ANKS1B: variants seen among roughly 807,000 people sequenced by gnomAD.
ANKS1B encodes ankyrin repeat and sterile alpha motif domain-containing protein 1B.
ANKS1B carries 36 observed loss-of-function variants against 148.3 expected under a neutral mutation model. The observed-to-expected ratio is 0.24, with a 90% CI of 0.19 to 0.32. ANKS1B has a LOEUF of 0.32. Among genes scored for constraint, ANKS1B ranks in the 10% least tolerant of loss-of-function variants. ANKS1B has a pLI of 1.00. For synonymous variants in ANKS1B, 542 were observed against 560.8 expected (o/e 0.97, Z 0.47); for missense variants, 1,157 against 1,542.6 (o/e 0.75, Z 4.19).
chr12:99,870,920 G>T (rs1288608379), intron 1 of ANKS1B, among the ~76,000 whole-genome samples: 15 of 152,048 alleles, frequency 9.9e-5, no homozygotes, highest in Non-Finnish European at 2.1e-4. Context: ...AAGCTCTTTA[G>T]TTTTTAAATT....
chr12:99,481,823 T>C (rs1268741342), intron 10 of ANKS1B, among the ~76,000 whole-genome samples: 2 of 152,018 alleles, frequency 1.3e-5, no homozygotes, highest in Non-Finnish European at 2.9e-5. Flanking sequence ...TATATCTCCT[T>C]TTGAGAAATG....
At chr12:99,769,368 A>AT (rs1021227732) in intron 8 of ANKS1B, among the ~76,000 whole-genome samples, 1 of 152,166 alleles carries the variant, frequency 6.6e-6, no homozygotes, top group Non-Finnish European at 1.5e-5. Context: ...GGGCATCAGT[A>AT]TTTATTTTTT....
chr12:99,766,977 G>C (rs1270357753), intron 8 of ANKS1B, among the ~76,000 whole-genome samples: 2 of 151,878 alleles, frequency 1.3e-5, no homozygotes, highest in Non-Finnish European at 2.9e-5. Context: ...TGGTTTTTAG[G>C]CAATCTAATC....
intron 17 of ANKS1B, among the ~76,000 whole-genome samples, chr12:98,924,734 G>C (rs1050879742): frequency 5.3e-5 from 8 of 152,260 alleles, no homozygotes; most frequent in East Asian, 3.9e-4. Flanking sequence ...CCTTAAGTAC[G>C]TTTGGAAAAT....
chr12:99,067,751 A>T (rs1565869735), intron 16 of ANKS1B, among the ~76,000 whole-genome samples: 1 of 152,172 alleles, frequency 6.6e-6, no homozygotes, highest in African/African-American at 2.4e-5. Flanking sequence ...TTATATTTAT[A>T]GTTAAGGGAT....
intron 8 of ANKS1B, among the ~76,000 whole-genome samples, chr12:99,769,012 CTT>C (rs11431790): frequency 9.5e-5 from 14 of 146,608 alleles, no homozygotes; most frequent in South Asian, 2.2e-4. Flanking sequence ...GAAATAAATG[CTT>C]TTTTTTTTTT....
intron 9 of ANKS1B, among the ~76,000 whole-genome samples, chr12:99,638,038 A>G (rs759209859): frequency 2.0e-5 from 3 of 151,900 alleles, no homozygotes; most frequent in Non-Finnish European, 4.4e-5. Context: ...GATGGTTTAT[A>G]AGGGTATTTT....
At chr12:99,973,351 G>A (rs973092767) in intron 1 of ANKS1B, among the ~76,000 whole-genome samples, 19 of 152,246 alleles carry the variant, frequency 1.2e-4, no homozygotes, top group African/African-American at 4.6e-4. Flanking sequence ...AGGCCAAGGT[G>A]GGAGGATCAC....
chr12:99,387,123 G>A (rs2093892942), intron 12 of ANKS1B, among the ~76,000 whole-genome samples: 1 of 151,874 alleles, frequency 6.6e-6, no homozygotes, highest in African/African-American at 2.4e-5. Context: ...AAGAACGCTA[G>A]GGGGAGTATG....
intron 12 of ANKS1B, among the ~76,000 whole-genome samples, chr12:99,391,914 T>C (rs1470376994): frequency 3.3e-5 from 5 of 152,148 alleles, no homozygotes; most frequent in Admixed American, 3.3e-4. Flanking sequence ...TACCATTACA[T>C]CTATATGCAG....
intron 19 of ANKS1B, among the ~76,000 whole-genome samples, chr12:98,812,616 C>T (rs2099106176): frequency 6.6e-6 from 1 of 152,132 alleles, no homozygotes. Flanking sequence ...CTCTGTTGCC[C>T]AGGCTAGAGT....
chr12:99,708,905 G>A (rs1299461381), intron 8 of ANKS1B, among the ~76,000 whole-genome samples: 1 of 152,052 alleles, frequency 6.6e-6, no homozygotes, highest in East Asian at 1.9e-4. Context: ...GTTTTAATTG[G>A]AAGCTGTTCG....
chr12:98,985,789 C>T (rs937220514), intron 17 of ANKS1B, among the ~76,000 whole-genome samples: 4 of 152,022 alleles, frequency 2.6e-5, no homozygotes, highest in Non-Finnish European at 5.9e-5. Flanking sequence ...AGTAAGAAAA[C>T]ATGTCTCATA....
At chr12:98,918,282 G>A (rs1244529514) in intron 17 of ANKS1B, among the ~76,000 whole-genome samples, 1 of 152,182 alleles carries the variant, frequency 6.6e-6, no homozygotes, top group Non-Finnish European at 1.5e-5. Flanking sequence ...TTGGTTGTGG[G>A]AACAGAAACT....
chr12:99,213,413 AT>A (rs2153921318), intron 14 of ANKS1B, among the ~76,000 whole-genome samples: 1 of 152,336 alleles, frequency 6.6e-6, no homozygotes, highest in Non-Finnish European at 1.5e-5. Context: ...GTAAGTAGAA[AT>A]TGTGGCAACT....
chr12:99,670,617 T>C (rs1431016167), intron 8 of ANKS1B, among the ~76,000 whole-genome samples: 2 of 152,216 alleles, frequency 1.3e-5, no homozygotes, highest in African/African-American at 4.8e-5. Context: ...TAAAGACACA[T>C]ATCTATACAT....
chr12:99,875,383 G>C (rs367989894), intron 1 of ANKS1B, among the ~76,000 whole-genome samples: 1 of 151,782 alleles, frequency 6.6e-6, no homozygotes, highest in Non-Finnish European at 1.5e-5. Context: ...AAAATGTATA[G>C]AGTGCTTTAT....
chr12:99,348,191 C>G (rs2090979876), intron 12 of ANKS1B, among the ~76,000 whole-genome samples: 1 of 151,862 alleles, frequency 6.6e-6, no homozygotes, highest in African/African-American at 2.4e-5. Flanking sequence ...AGAACCTCAG[C>G]AACCTTTGGG....
intron 15 of ANKS1B, among the ~76,000 whole-genome samples, chr12:99,103,015 G>C (rs981359871): frequency 6.6e-6 from 1 of 152,094 alleles, no homozygotes; most frequent in Non-Finnish European, 1.5e-5. Context: ...AAGTTTGCAG[G>C]CAGCAGGTAA....
Sources: gnomAD v4.1 joint callset for allele counts (sites outside exome capture counted in the v4.1 genomes callset) on GRCh38, gnomAD v4.1.1 for gene constraint, MANE v1.5 for transcripts, NCBI Gene and HGNC (gene_info 2026-07-23, HGNC 2026-07-21) for gene names.